The following SYNPO2 variants were observed in gnomAD, a reference collection of about 807,000 sequenced individuals.
The protein encoded by SYNPO2 is synaptopodin-2.
A neutral mutation model predicts 85.0 loss-of-function variants in SYNPO2; 56 were observed. The observed-to-expected ratio is 0.66, with a 90% confidence interval of 0.53 to 0.82. The LOEUF (loss-of-function observed/expected upper bound fraction) is 0.82, where lower values mean the gene tolerates loss of function less well. SYNPO2 is among the 40% of genes least tolerant of loss of function. The pLI is 0.00. For synonymous variants in SYNPO2, 602 were observed against 591.1 expected (o/e 1.02, Z -0.27); for missense variants, 1,575 against 1,534.2 (o/e 1.03, Z -0.44).
At chr4:118,954,819 A>G (rs1052595206) in intron 1 of SYNPO2, among the ~76,000 whole-genome samples, 44 of 152,228 alleles carry the variant, frequency 2.9e-4, no homozygotes, top group African/African-American at 1.1e-3. Context: ...ACACTGTTCT[A>G]AGCACTTTAC....
chr4:119,020,877 TAAAAC>T (rs1198619257), intron 1 of SYNPO2, among the ~76,000 whole-genome samples: 9 of 152,170 alleles, frequency 5.9e-5, no homozygotes, highest in Admixed American at 2.6e-4. Flanking sequence ...TCATGCAAGA[TAAAAC>T]AAAACAAATA....
chr4:118,898,519 T>C (rs188914545), intron 1 of SYNPO2, among the ~76,000 whole-genome samples: 52 of 152,370 alleles, frequency 3.4e-4, no homozygotes, highest in African/African-American at 1.2e-3. Context: ...TTTTATCTTA[T>C]GTGCAGACAT....
At chr4:119,023,603 A>G in intron 2 of SYNPO2, 22 bp downstream of exon 2, 4 of 1,602,466 alleles carry the variant, frequency 2.5e-6, no homozygotes, top group Non-Finnish European at 3.4e-6. Context: ...TTGCTGGAAT[A>G]TGTATTTTCT....
At chr4:118,920,173 G>A (rs1289065520) in intron 1 of SYNPO2, among the ~76,000 whole-genome samples, 1 of 152,110 alleles carries the variant, frequency 6.6e-6, no homozygotes, top group Non-Finnish European at 1.5e-5. Context: ...GAGGAATCTG[G>A]GATGACTTGG....
intron 2 of SYNPO2, among the ~76,000 whole-genome samples, chr4:119,024,582 A>G (rs1737861521): frequency 6.6e-6 from 1 of 152,340 alleles, no homozygotes; most frequent in Admixed American, 6.5e-5. Flanking sequence ...ATATTTACCC[A>G]TCAAACTCAG....
chr4:118,942,484 C>T (rs1734349292), intron 1 of SYNPO2, among the ~76,000 whole-genome samples: 1 of 152,150 alleles, frequency 6.6e-6, no homozygotes, highest in Non-Finnish European at 1.5e-5. Context: ...ACATTTTTTT[C>T]TAAATTTAGA....
intron 1 of SYNPO2, among the ~76,000 whole-genome samples, chr4:119,007,240 A>G (rs28687315): frequency 1.9e-4 from 8 of 42,570 alleles, no homozygotes; most frequent in Non-Finnish European, 3.0e-4. Context: ...ATATATATAT[A>G]TATATGTATA....
rs373144800 is a variant in SYNPO2 at position 118,900,703 on chromosome 4, CTATATATATA to C, written c.105+11582_105+11591del. Among the ~76,000 whole-genome samples the C allele has an allele frequency of 2.6e-3, 114 of 43,880 alleles. 2 individuals carry two copies. Among genetic ancestry groups the C allele is most frequent in the South Asian group, 8.6e-3 (9 of 1,042 alleles). 28.8% of individuals were successfully genotyped at this position (43,880 alleles called of 152,430 possible). ...TCTCTCTCTCTCTCTCTCTCTCTCTCTATATATATATATATATATATATATATATGTCTGT... is the reference window on the plus strand; with the variant it reads ...TCTCTCTCTCTCTCTCTCTCTCTCTCTATATATATATATATATATGTCTGT... On this transcript the variant is annotated intron_variant, in intron 1 of 4. Transcript: ENST00000307142.
chr4:118,857,301 T>G (rs959426560), intron 1 of SYNPO2, among the ~76,000 whole-genome samples: 1 of 152,158 alleles, frequency 6.6e-6, no homozygotes, highest in Non-Finnish European at 1.5e-5. Context: ...TGGGAAATTA[T>G]TAGTAGTAGG....
At chr4:118,975,453 C>T (rs1465827371) in intron 1 of SYNPO2, among the ~76,000 whole-genome samples, 4 of 152,116 alleles carry the variant, frequency 2.6e-5, no homozygotes, top group Admixed American at 2.6e-4. Flanking sequence ...TCCAATACAA[C>T]CATTATGAGG....
intron 1 of SYNPO2, among the ~76,000 whole-genome samples, chr4:118,892,557 A>G (rs1392208212): frequency 6.6e-6 from 1 of 152,206 alleles, no homozygotes; most frequent in Non-Finnish European, 1.5e-5. Flanking sequence ...GTCTCAGGAC[A>G]TACTTTTGGC....
Position 118,996,811 on chromosome 4 carries a change from C to T in SYNPO2, c.106-26619C>T, listed in dbSNP as rs565988936. On this transcript the variant is annotated intron_variant, in intron 1 of 4. Coordinates refer to ENST00000307142, the MANE Select transcript of SYNPO2 (RefSeq NM_133477.3). ...GGCAGAGGTTGCGGTGAGCTGAGAT[C>T]GCGCCACTGCACTCCAGCCTGGGTG... Among the ~76,000 whole-genome samples the T allele has an allele frequency of 1.1e-4, 16 of 148,640 alleles. No homozygotes were observed. The South Asian group carries it at 2.3e-3, about 22-fold the overall frequency.
intron 4 of SYNPO2, among the ~76,000 whole-genome samples, chr4:119,039,694 T>G (rs547081420): frequency 6.6e-6 from 1 of 152,270 alleles, no homozygotes; most frequent in African/African-American, 2.4e-5. Context: ...TTATGGTAAT[T>G]TATACCTGGC....
At chr4:118,971,962 C>T (rs1735556149) in intron 1 of SYNPO2, among the ~76,000 whole-genome samples, 1 of 152,194 alleles carries the variant, frequency 6.6e-6, no homozygotes, top group African/African-American at 2.4e-5. Context: ...GGATAGACCT[C>T]ATAGTGTGGT....
At chr4:119,051,217 T>G (rs1170002126) in intron 4 of SYNPO2, among the ~76,000 whole-genome samples, 3 of 85,224 alleles carry the variant, frequency 3.5e-5, no homozygotes, top group African/African-American at 4.7e-5. Flanking sequence ...TGAGACGGAG[T>G]CTCGCTCTGT....
chr4:118,968,064 A>AG (rs1735383331), intron 1 of SYNPO2, among the ~76,000 whole-genome samples: 1 of 152,224 alleles, frequency 6.6e-6, no homozygotes, highest in Non-Finnish European at 1.5e-5. Flanking sequence ...CTTGCTGAGC[A>AG]TTTCCTTGTT....
At chr4:118,956,053 A>G (rs1022801721) in intron 1 of SYNPO2, among the ~76,000 whole-genome samples, 1 of 152,346 alleles carries the variant, frequency 6.6e-6, no homozygotes, top group African/African-American at 2.4e-5. Context: ...AAGGGAAAAC[A>G]TCAAAGATTA....
intron 1 of SYNPO2, among the ~76,000 whole-genome samples, chr4:119,021,647 CA>C (rs1229136758): frequency 1.3e-5 from 2 of 152,004 alleles, no homozygotes; most frequent in African/African-American, 4.8e-5. Flanking sequence ...AAGAAGAATT[CA>C]ATATAATGCA....
At chr4:118,890,359 C>T (rs1732321975) in intron 1 of SYNPO2, among the ~76,000 whole-genome samples, 1 of 152,062 alleles carries the variant, frequency 6.6e-6, no homozygotes, top group Non-Finnish European at 1.5e-5. Flanking sequence ...AAAGTTCCTC[C>T]GAGGTCTGCA....
Sources: allele counts gnomAD v4.1 joint callset (sites outside exome capture counted in the v4.1 genomes callset), GRCh38; gene constraint gnomAD v4.1.1; transcripts MANE v1.5; gene names NCBI Gene and HGNC (gene_info 2026-07-23, HGNC 2026-07-21).